The following SLC22A15 variants were observed in gnomAD, a reference collection of about 807,000 sequenced individuals.
SLC22A15 encodes the protein flipt 1.
Under a neutral mutation model 62.7 loss-of-function variants are expected in SLC22A15, and 45 were observed. That is an observed-to-expected ratio of 0.72 (90% CI 0.56 to 0.92). SLC22A15 has a LOEUF of 0.92. Among genes scored for constraint, SLC22A15 ranks in the 40% least tolerant of loss-of-function variants. The pLI is 0.00. For missense variants in SLC22A15, 622 were observed against 665.6 expected (o/e 0.93, Z 0.72); for synonymous variants, 264 against 267.0 (o/e 0.99, Z 0.11).
intron 5 of SLC22A15, chr1:116,027,275 C>G (rs1395829082): frequency 1.7e-6 from 1 of 599,456 alleles, no homozygotes; most frequent in Non-Finnish European, 3.2e-6. Context: ...ACATTGTTGG[C>G]ATAGGCAACC....
At chr1:116,059,588 A>G (rs930053841) in intron 8 of SLC22A15, among the ~76,000 whole-genome samples, 8 of 152,240 alleles carry the variant, frequency 5.3e-5, no homozygotes, top group African/African-American at 1.7e-4. Flanking sequence ...AGGTGAAACT[A>G]TGGTGACAGA....
chr1:116,003,463 C>T (rs1392331166), intron 2 of SLC22A15, among the ~76,000 whole-genome samples: 1 of 152,176 alleles, frequency 6.6e-6, no homozygotes, highest in African/African-American at 2.4e-5. Context: ...AGCTCTTTAG[C>T]TTGCAGTGGT....
intron 8 of SLC22A15, among the ~76,000 whole-genome samples, chr1:116,044,571 A>C (rs1657879632): frequency 6.6e-6 from 1 of 152,204 alleles, no homozygotes; most frequent in African/African-American, 2.4e-5. Flanking sequence ...AATTAAAGGG[A>C]TTTAAATTGG....
At chr1:116,065,625 G>A (rs950404579) in intron 10 of SLC22A15, among the ~76,000 whole-genome samples, 7 of 151,808 alleles carry the variant, frequency 4.6e-5, no homozygotes, top group South Asian at 4.2e-4. Flanking sequence ...TCTTCTGCTC[G>A]GTTCTCTCCA....
At chr1:116,034,536 C>T (rs1461406254) in intron 6 of SLC22A15, among the ~76,000 whole-genome samples, 3 of 152,178 alleles carry the variant, frequency 2.0e-5, no homozygotes, top group African/African-American at 4.8e-5. Context: ...GACCCTTCCT[C>T]GGTTGTTCCT....
At chr1:115,979,244 T>A (rs562242408) in intron 1 of SLC22A15, among the ~76,000 whole-genome samples, 1 of 152,344 alleles carries the variant, frequency 6.6e-6, no homozygotes, top group African/African-American at 2.4e-5. Flanking sequence ...ATTGGTACCA[T>A]CATGTAGATC....
chr1:116,016,108 CCTT>C (rs929391996), intron 2 of SLC22A15, among the ~76,000 whole-genome samples: 22 of 150,670 alleles, frequency 1.5e-4, no homozygotes, highest in African/African-American at 3.4e-4. Context: ...CTCTTTCTCT[CCTT>C]CTTTCTCTCT....
chr1:116,057,111 G>A lies in SLC22A15; in HGVS notation c.1172-5651G>A, dbSNP rs547808208. ...CAGCAAAGGAAACTACCATCAGAGTGAAGAGGCAACCTACAAAATGGGAGA... is the reference window on the plus strand; with the variant it reads ...CAGCAAAGGAAACTACCATCAGAGTAAAGAGGCAACCTACAAAATGGGAGA... On this transcript the variant is annotated intron_variant, in intron 8 of 11. Coordinates refer to ENST00000369503, the MANE Select transcript of SLC22A15 (RefSeq NM_018420.3). Among the ~76,000 whole-genome samples, 8 of 152,164 alleles carry A rather than the reference G, an allele frequency of 5.3e-5. No homozygotes were observed. In the South Asian group the frequency reaches 8.3e-4, roughly 16 times the overall value.
chr1:116,056,636 C>G (rs1169687051), intron 8 of SLC22A15, among the ~76,000 whole-genome samples: 4 of 151,528 alleles, frequency 2.6e-5, no homozygotes, highest in African/African-American at 7.3e-5. Flanking sequence ...GGAGGCATCA[C>G]GCTACCTGAC....
intron 1 of SLC22A15, among the ~76,000 whole-genome samples, chr1:115,990,762 G>GT (rs928008417): frequency 2.0e-5 from 3 of 151,902 alleles, no homozygotes; most frequent in African/African-American, 7.3e-5. Flanking sequence ...CTGTTTTTTT[G>GT]TTTTTTGTTT....
chr1:116,004,247 G>C (rs1452426416), intron 2 of SLC22A15, among the ~76,000 whole-genome samples: 1 of 152,164 alleles, frequency 6.6e-6, no homozygotes, highest in African/African-American at 2.4e-5. Context: ...TGTGTGGCAA[G>C]CAGCAGGACC....
intron 1 of SLC22A15, among the ~76,000 whole-genome samples, chr1:115,984,965 T>C (rs2101061919): frequency 6.6e-6 from 1 of 152,334 alleles, no homozygotes; most frequent in Non-Finnish European, 1.5e-5. Context: ...GTCAAAGAGT[T>C]AAAACATTTT....
At chr1:115,976,969 G>A (rs966275020) in intron 1 of SLC22A15, among the ~76,000 whole-genome samples, 1 of 152,158 alleles carries the variant, frequency 6.6e-6, no homozygotes, top group Non-Finnish European at 1.5e-5. Context: ...ACCTTGAGTG[G>A]TGGAAGGAGC....
rs373552582 is a variant in SLC22A15 at position 116,047,545 on chromosome 1, C to A, written c.1171+10157C>A. Among the ~76,000 whole-genome samples the A allele has an allele frequency of 1.4e-4, 21 of 152,310 alleles. 1 individual carries two copies. Among genetic ancestry groups the A allele is most frequent in the East Asian group, 7.7e-4 (4 of 5,186 alleles). On this transcript the variant is annotated intron_variant, in intron 8 of 11. Coordinates refer to ENST00000369503, the MANE Select transcript of SLC22A15 (RefSeq NM_018420.3). ...ACGGCTGAGAGACCCATAGACAGTT[C>A]ACATCACAGGACTCTATAGAGACAA... is the stretch of plus-strand genomic sequence containing the variant.
chr1:115,996,523 G>C (rs116829248), intron 2 of SLC22A15, among the ~76,000 whole-genome samples: 2,015 of 148,378 alleles, frequency 0.014, 45 homozygotes, highest in African/African-American at 0.047. Flanking sequence ...CCCTGAACAT[G>C]TTTTTAGATT....
chr1:116,035,425 G>A (rs1657598598), intron 7 of SLC22A15, 98 bp downstream of exon 7: 3 of 1,024,562 alleles, frequency 2.9e-6, no homozygotes, highest in South Asian at 2.3e-5. Flanking sequence ...TGTTGTCTTT[G>A]TATGCAGTAT....
At position 116,057,394 on chromosome 1, in the gene SLC22A15, A is replaced by G. The variant is rs570179363; in HGVS notation, c.1172-5368A>G. ...ACCAGTTAGAATGGTGATCATTAAA[A>G]AGTCAGGAAACAACAGGTGCTGGAG... On this transcript the variant is annotated intron_variant, in intron 8 of 11. Transcript: ENST00000369503. Among the ~76,000 whole-genome samples, 6 of 152,046 alleles carry G rather than the reference A, an allele frequency of 3.9e-5. No individual in the cohort carries two copies. The East Asian group carries it at 1.2e-3, about 29-fold the overall frequency.
intron 4 of SLC22A15, among the ~76,000 whole-genome samples, chr1:116,023,666 A>T (rs1656951545): frequency 6.6e-6 from 1 of 152,214 alleles, no homozygotes; most frequent in African/African-American, 2.4e-5. Context: ...GGAAAAGTGG[A>T]ACAAATTGAT....
At chr1:116,013,022 T>A (rs1656348808) in intron 2 of SLC22A15, among the ~76,000 whole-genome samples, 1 of 152,228 alleles carries the variant, frequency 6.6e-6, no homozygotes, top group African/African-American at 2.4e-5. Context: ...AAGTCAGCTT[T>A]GTGTTAGATG....
Sources: gnomAD v4.1 joint callset for allele counts (sites outside exome capture counted in the v4.1 genomes callset) on GRCh38, gnomAD v4.1.1 for gene constraint, MANE v1.5 for transcripts, NCBI Gene and HGNC (gene_info 2026-07-23, HGNC 2026-07-21) for gene names.